The following BCL2 variants were observed in gnomAD, a reference collection of about 807,000 sequenced individuals.
BCL2 encodes the protein BCL2 apoptosis regulator, also known as apoptosis regulator Bcl-2.
In BCL2, 1 loss-of-function variant was observed where a neutral mutation model predicts 14.2. The ratio of observed to expected loss-of-function variants is 0.07; its 90% CI spans 0.02 to 0.33. The LOEUF is 0.33. Ranked by LOEUF, BCL2 falls within the 10% of genes least tolerant of loss-of-function variation. The pLI is 0.99. For synonymous variants in BCL2, 151 were observed against 137.2 expected (o/e 1.10, Z -0.70); for missense variants, 247 against 305.9 (o/e 0.81, Z 1.44).
Position 63,319,169 on chromosome 18 carries a change from C to T in BCL2, c.-287+5G>A, listed in dbSNP as rs1047281349. ...TTAAACCAATTTCCTGTGCAGAGAA[C>T]TTACTTGTATTTTTTAAGTACAGCA... On this transcript the variant is annotated splice_donor_5th_base_variant and intron_variant, in intron 1 of 2. Coordinates refer to ENST00000333681, the MANE Select transcript of BCL2 (RefSeq NM_000633.3). The T allele has an allele frequency of 6.1e-5, 39 of 638,192 alleles. No individual in the cohort carries two copies. The African/African-American group carries it at 6.9e-4, about 11-fold the overall frequency. The allele number at this position is 638,192 out of a possible 1,614,324, so 39.5% of individuals were successfully genotyped here. A position where few individuals can be genotyped will look rare whatever the true frequency, so the allele number is the denominator to read the frequency against.
At chr18:63,200,396 T>C (rs1306512898) in intron 2 of BCL2, among the ~76,000 whole-genome samples, 1 of 152,190 alleles carries the variant, frequency 6.6e-6, no homozygotes, top group Non-Finnish European at 1.5e-5. Flanking sequence ...CTGATTTATA[T>C]CCCAAAAGGG....
rs148341476 is a variant in BCL2, at chr18:63,126,097, C to T, written c.*2528G>A. 530 of 216,292 alleles carry T rather than the reference C, an allele frequency of 2.5e-3. 3 individuals are homozygous for T. The highest frequency in any genetic ancestry group is 0.011 in the African/African-American group (483 of 44,406). 13.4% of individuals were successfully genotyped at this position (216,292 alleles called of 1,614,324 possible). On this transcript the variant is annotated 3_prime_UTR_variant, in exon 3 of 3. Transcript: ENST00000333681. ...AAATGATTTTGGCAGGATAGCAGCA[C>T]AGGATTGGATATTCCATATTCATCA...
At chr18:63,269,414 T>C (rs1599281119) in intron 2 of BCL2, among the ~76,000 whole-genome samples, 1 of 152,114 alleles carries the variant, frequency 6.6e-6, no homozygotes, top group East Asian at 1.9e-4. Context: ...ACCTAACAAA[T>C]AACAGACTCT....
chr18:63,205,592 G>A (rs1427301111), intron 2 of BCL2, among the ~76,000 whole-genome samples: 2 of 152,042 alleles, frequency 1.3e-5, no homozygotes, highest in Non-Finnish European at 2.9e-5. Flanking sequence ...AACTACTGGG[G>A]AGAGTATATA....
intron 2 of BCL2, among the ~76,000 whole-genome samples, chr18:63,162,841 ATCCCTCCTTCCT>A (rs72400494): frequency 0.29 from 43,389 of 149,448 alleles, 8,649 homozygotes; most frequent in African/African-American, 0.54. Flanking sequence ...CCTTCTTTCC[ATCCCTCCTTCCT>A]TCCCTCCTTC....
chr18:63,212,094 G>A (rs1191948238), intron 2 of BCL2, among the ~76,000 whole-genome samples: 2 of 146,062 alleles, frequency 1.4e-5, no homozygotes, highest in Non-Finnish European at 3.1e-5. Flanking sequence ...TTGGGAGGCT[G>A]AGGCAGGTGG....
At chr18:63,203,137 A>G (rs1337733758) in intron 2 of BCL2, among the ~76,000 whole-genome samples, 1 of 152,236 alleles carries the variant, frequency 6.6e-6, no homozygotes, top group Non-Finnish European at 1.5e-5. Context: ...CTTTGCCAGG[A>G]CCAAGCCCCT....
At chr18:63,226,388 ACTGGGACCCACCCTCTT>A (rs1293050066) in intron 2 of BCL2, among the ~76,000 whole-genome samples, 4 of 152,080 alleles carry the variant, frequency 2.6e-5, no homozygotes, top group Admixed American at 1.3e-4. Flanking sequence ...TGGGGCCCTC[ACTGGGACCCACCCTCTT>A]CTGCCCAGAA....
chr18:63,295,721 T>C (rs1912779209), intron 2 of BCL2, among the ~76,000 whole-genome samples: 1 of 152,090 alleles, frequency 6.6e-6, no homozygotes, highest in African/African-American at 2.4e-5. Flanking sequence ...AATTCTCTCT[T>C]CTTCCTTAGA....
chr18:63,306,900 C>A (rs1029024188), intron 2 of BCL2, among the ~76,000 whole-genome samples: 1 of 150,420 alleles, frequency 6.6e-6, no homozygotes, highest in Non-Finnish European at 1.5e-5. Context: ...TTACGTGTGG[C>A]CCAAGACAAT....
chr18:63,183,430 C>A (rs1254415255), intron 2 of BCL2, among the ~76,000 whole-genome samples: 1 of 152,130 alleles, frequency 6.6e-6, no homozygotes, highest in Non-Finnish European at 1.5e-5. Context: ...AGGTGGGGCA[C>A]AGAGCTGTTT....
At chr18:63,174,820 CAAAAAAAAAA>C (rs953107518) in intron 2 of BCL2, among the ~76,000 whole-genome samples, 2 of 72,284 alleles carry the variant, frequency 2.8e-5, no homozygotes, top group Non-Finnish European at 6.2e-5. Context: ...GACTTTGTCT[CAAAAAAAAAA>C]AAAAAAAAAA....
At chr18:63,233,256 A>C (rs899686715) in intron 2 of BCL2, among the ~76,000 whole-genome samples, 1 of 152,244 alleles carries the variant, frequency 6.6e-6, no homozygotes, top group Non-Finnish European at 1.5e-5. Context: ...CATTCAGTTT[A>C]TAACAATATA....
In BCL2 at chr18:63,232,398, T is replaced by C. The variant is rs149632877; in HGVS notation, c.585+85684A>G. Reference sequence around the variant, plus strand: ...CTTGGAGAGAGAAAATTTCTGTAAGTATTCATAATATTTAGTGAACACTTA... The same window carrying C: ...CTTGGAGAGAGAAAATTTCTGTAAGCATTCATAATATTTAGTGAACACTTA... On this transcript the variant is annotated intron_variant, in intron 2 of 2. Coordinates refer to ENST00000333681, the MANE Select transcript of BCL2 (RefSeq NM_000633.3). 1.8e-3 allele frequency among the ~76,000 whole-genome samples: 280 copies of C among 152,248 alleles called. 1 individual carries two copies. The highest frequency in any genetic ancestry group is 6.1e-3 in the African/African-American group (253 of 41,560).
intron 2 of BCL2, chr18:63,316,949 AC>A (rs1913517019): frequency 1.3e-5 from 2 of 151,772 alleles, no homozygotes; most frequent in East Asian, 1.9e-4. Flanking sequence ...AAAAAAAAAA[AC>A]TTCACACAAG....
At chr18:63,200,096 C>T (rs1909647609) in intron 2 of BCL2, among the ~76,000 whole-genome samples, 1 of 152,188 alleles carries the variant, frequency 6.6e-6, no homozygotes, top group African/African-American at 2.4e-5. Flanking sequence ...TACTTGCCTT[C>T]GTTCTGCAGG....
At chr18:63,131,832 C>T (rs943199687) in intron 2 of BCL2, among the ~76,000 whole-genome samples, 11 of 152,300 alleles carry the variant, frequency 7.2e-5, no homozygotes, top group East Asian at 5.8e-4. Flanking sequence ...CCTGGGAAAC[C>T]GGAGGATGCA....
At position 63,126,566 on chromosome 18, in the gene BCL2, T is replaced by C; in HGVS notation, c.*2059A>G. ...GTCAAAGGGACAACAGATATAACTG[T>C]CACAATAAACAATTCTGTTGACGTG... On this transcript the variant is annotated 3_prime_UTR_variant, in exon 3 of 3. Coordinates refer to ENST00000333681, the MANE Select transcript of BCL2 (RefSeq NM_000633.3). 4.4e-6 allele frequency: 1 copy of C among 229,520 alleles called. No homozygotes were observed. The highest frequency in any genetic ancestry group is 8.6e-6 in the Non-Finnish European group (1 of 115,656). The allele number at this position is 229,520 out of a possible 1,614,324, so 14.2% of individuals were successfully genotyped here. A position where few individuals can be genotyped will look rare whatever the true frequency, so the allele number is the denominator to read the frequency against.
chr18:63,189,079 TAGAAG>T (rs1033217868), intron 2 of BCL2, among the ~76,000 whole-genome samples: 12 of 149,688 alleles, frequency 8.0e-5, no homozygotes, highest in Admixed American at 2.7e-4. Flanking sequence ...AAAAAACTTG[TAGAAG>T]TGAAATTACC....
Sources: gnomAD v4.1 joint callset for allele counts (sites outside exome capture counted in the v4.1 genomes callset) on GRCh38, gnomAD v4.1.1 for gene constraint, MANE v1.5 for transcripts, NCBI Gene and HGNC (gene_info 2026-07-23, HGNC 2026-07-21) for gene names.